DLC1: variants seen among roughly 807,000 people sequenced by gnomAD.
The protein encoded by DLC1 is DLC1 Rho GTPase activating protein.
A neutral mutation model predicts 140.3 loss-of-function variants in DLC1; 54 were observed. The ratio of observed to expected loss-of-function variants is 0.38; its 90% confidence interval spans 0.31 to 0.48. The LOEUF is 0.48. Ranked by LOEUF, DLC1 falls within the 20% of genes least tolerant of loss-of-function variation. The probability of loss-of-function intolerance (pLI) is 0.96; values close to 1 mark genes in which losing one functional copy is unlikely to be tolerated. For missense variants in DLC1, 2,536 were observed against 1,907.0 expected (o/e 1.33, Z -6.14); for synonymous variants, 986 against 728.1 (o/e 1.35, Z -5.70).
At chr8:13,164,468 C>T (rs1824956035) in intron 5 of DLC1, among the ~76,000 whole-genome samples, 1 of 152,104 alleles carries the variant, frequency 6.6e-6, no homozygotes, top group Non-Finnish European at 1.5e-5. Context: ...GGCAGTAGGG[C>T]TGGTAGTTGG....
At chr8:13,290,197 C>G (rs1179506813) in intron 5 of DLC1, among the ~76,000 whole-genome samples, 1 of 152,148 alleles carries the variant, frequency 6.6e-6, no homozygotes, top group Non-Finnish European at 1.5e-5. Flanking sequence ...TTTTGCCGTA[C>G]ACACTTTGAA....
At chr8:13,523,592 C>T (rs538348143) in intron 1 of DLC1, among the ~76,000 whole-genome samples, 8 of 152,022 alleles carry the variant, frequency 5.3e-5, no homozygotes, top group South Asian at 2.1e-4. Context: ...ATGAGATTGA[C>T]GAGAGGGTGT....
At chr8:13,361,093 G>A (rs1481286873) in intron 4 of DLC1, among the ~76,000 whole-genome samples, 2 of 152,066 alleles carry the variant, frequency 1.3e-5, no homozygotes, top group South Asian at 4.2e-4. Flanking sequence ...GTAGCTGGGT[G>A]TGTTGGCATG....
At chr8:13,567,328 C>G in intron 1 of DLC1, 1 of 1,551,658 alleles carries the variant, frequency 6.4e-7, no homozygotes, top group Non-Finnish European at 8.7e-7. Flanking sequence ...AGAAATCACT[C>G]GGGTATCAGA....
chr8:13,133,200 A>C (rs1398164747), intron 5 of DLC1: 17 of 1,424,838 alleles, frequency 1.2e-5, no homozygotes, highest in South Asian at 9.0e-5. Context: ...TTGGGCGAGA[A>C]GTCCGTGAGC....
chr8:13,304,625 C>G, intron 5 of DLC1: 2 of 885,718 alleles, frequency 2.3e-6, no homozygotes, highest in South Asian at 5.3e-5. Context: ...AGATAATATA[C>G]CTTTAATCTG....
intron 2 of DLC1, among the ~76,000 whole-genome samples, chr8:13,480,344 C>A (rs1030226701): frequency 6.6e-6 from 1 of 152,046 alleles, no homozygotes; most frequent in Non-Finnish European, 1.5e-5. Flanking sequence ...AGATAAAGAA[C>A]ATGGACATGG....
intron 5 of DLC1, among the ~76,000 whole-genome samples, chr8:13,292,163 G>A (rs1175343203): frequency 6.6e-6 from 1 of 152,020 alleles, no homozygotes; most frequent in Non-Finnish European, 1.5e-5. Flanking sequence ...AATGCTGTTG[G>A]AATGCCTGAA....
At chr8:13,428,281 G>A (rs1041838709) in intron 2 of DLC1, among the ~76,000 whole-genome samples, 1 of 151,786 alleles carries the variant, frequency 6.6e-6, no homozygotes, top group Non-Finnish European at 1.5e-5. Context: ...AAGCATACAT[G>A]TGGGTTTATA....
chr8:13,338,753 G>A (rs1036542518), intron 4 of DLC1: 4 of 152,144 alleles, frequency 2.6e-5, no homozygotes, highest in Admixed American at 6.6e-5. Context: ...GATCACAGGA[G>A]GTGAGCTACC....
chr8:13,415,222 A>T (rs1169670257), intron 2 of DLC1, among the ~76,000 whole-genome samples: 1 of 152,142 alleles, frequency 6.6e-6, no homozygotes, highest in Non-Finnish European at 1.5e-5. Flanking sequence ...ATTTACTAGT[A>T]TTTAAATAAA....
intron 5 of DLC1, among the ~76,000 whole-genome samples, chr8:13,296,294 T>G (rs1831950437): frequency 6.6e-6 from 1 of 152,054 alleles, no homozygotes; most frequent in African/African-American, 2.4e-5. Flanking sequence ...GTGGCTTTCT[T>G]GATAAAATGG....
chr8:13,241,442 CA>C (rs1829539908), intron 5 of DLC1, among the ~76,000 whole-genome samples: 1 of 152,124 alleles, frequency 6.6e-6, no homozygotes, highest in Non-Finnish European at 1.5e-5. Context: ...TCCTTTTCCT[CA>C]GTTTCTGGTT....
chr8:13,228,441 C>T (rs1828896759), intron 5 of DLC1, among the ~76,000 whole-genome samples: 1 of 151,820 alleles, frequency 6.6e-6, no homozygotes, highest in African/African-American at 2.4e-5. Flanking sequence ...AAAGACAAAC[C>T]AGTTGAAAAA....
intron 1 of DLC1, among the ~76,000 whole-genome samples, chr8:13,542,364 T>A (rs916462194): frequency 6.6e-6 from 1 of 152,228 alleles, no homozygotes; most frequent in Non-Finnish European, 1.5e-5. Context: ...ACCATATGCG[T>A]AGGTCTATTT....
intron 1 of DLC1, among the ~76,000 whole-genome samples, chr8:13,547,981 C>T (rs1803709581): frequency 6.6e-6 from 1 of 151,930 alleles, no homozygotes; most frequent in African/African-American, 2.4e-5. Context: ...TCTCAACCAC[C>T]TATAGTTCTA....
intron 12 of DLC1, among the ~76,000 whole-genome samples, chr8:13,093,477 C>A (rs1818256658): frequency 6.6e-6 from 1 of 152,132 alleles, no homozygotes; most frequent in African/African-American, 2.4e-5. Flanking sequence ...TATAAAAATG[C>A]ATATGAATAT....
chr8:13,352,855 C>G (rs1457430265), intron 4 of DLC1, among the ~76,000 whole-genome samples: 5 of 151,940 alleles, frequency 3.3e-5, no homozygotes, highest in African/African-American at 4.8e-5. Flanking sequence ...GCACACCTAC[C>G]AGGAACACGA....
chr8:13,500,065 C>T lies in DLC1; in HGVS notation c.7G>A (p.Val3Ile). Residue 3 changes from valine (V) to isoleucine (I), a missense_variant, in exon 2 of 18, where the codon GTA becomes ATA. Val to Ile is a conservative substitution (Grantham distance 29). Coordinates refer to ENST00000276297, the MANE Select transcript of DLC1 (RefSeq NM_182643.3). MSVAIRKRSWEEH... is the reference protein window; with the variant it reads MSIAIRKRSWEEH... ...TCCCAGCTTCTCTTTCTGATAGCTA[C>T]AGACATGTCATCGTAGTTTAACAAC... 1.2e-6 allele frequency: 2 copies of T among 1,612,516 alleles called. No individual in the cohort carries two copies. Among genetic ancestry groups the T allele is most frequent in the Non-Finnish European group, 1.7e-6 (2 of 1,178,850 alleles).
Sources: allele counts gnomAD v4.1 joint callset (sites outside exome capture counted in the v4.1 genomes callset), GRCh38; gene constraint gnomAD v4.1.1; transcripts MANE v1.5; gene names NCBI Gene and HGNC (gene_info 2026-07-23, HGNC 2026-07-21).